TRIM5: variants seen among roughly 807,000 people sequenced by gnomAD.
TRIM5 encodes the protein tripartite motif containing 5, also known as tripartite motif-containing protein 5.
Under a neutral mutation model 35.6 loss-of-function variants are expected in TRIM5, and 31 were observed. The ratio of observed to expected loss-of-function variants is 0.87; its 90% confidence interval spans 0.65 to 1.18. The LOEUF is 1.18. Ranked by LOEUF, TRIM5 falls within the 50% of genes most tolerant of loss-of-function variation. The probability of loss-of-function intolerance (pLI) is 0.00; values close to 1 mark genes in which losing one functional copy is unlikely to be tolerated. For synonymous variants in TRIM5, 243 were observed against 215.6 expected, an observed-to-expected ratio of 1.13 and a Z score of -1.11; for missense variants, 609 against 591.6, an observed-to-expected ratio of 1.03 and a Z score of -0.31.
At chr11:5,665,811 T>C in intron 6 of TRIM5, 129 bp from the exon 7 acceptor site, 1 of 1,380,230 alleles carries the variant, frequency 7.2e-7, no homozygotes, top group Non-Finnish European at 9.7e-7. Flanking sequence ...AATGATGAGA[T>C]GAAACAGCCA....
At chr11:5,649,752 T>C in the TRIM5 span, among the ~76,000 whole-genome samples, 34 of 152,282 alleles carry the variant, frequency 2.2e-4, no homozygotes, top group Non-Finnish European at 2.9e-5. Context: ...CTAGGAATAG[T>C]AGTGAGTGGT....
chr11:5,610,152 T>C, the TRIM5 span: 5 of 1,613,670 alleles, frequency 3.1e-6, no homozygotes, highest in Non-Finnish European at 4.2e-6. Flanking sequence ...TAGGAGTGAG[T>C]TCTGGACCCT....
At chr11:5,602,981 C>T in the TRIM5 span, among the ~76,000 whole-genome samples, 1 of 152,102 alleles carries the variant, frequency 6.6e-6, no homozygotes, top group African/African-American at 2.4e-5. Context: ...AAAGATCACA[C>T]AGACAGTGAC....
chr11:5,608,368 C>T, the TRIM5 span: 1 of 1,613,256 alleles, frequency 6.2e-7, no homozygotes, highest in South Asian at 1.1e-5. Flanking sequence ...TTTTTCCTTC[C>T]TAGGATGTGA....
the TRIM5 span, among the ~76,000 whole-genome samples, chr11:5,657,977 T>C: frequency 6.6e-6 from 1 of 151,902 alleles, no homozygotes; most frequent in African/African-American, 2.4e-5. Flanking sequence ...CTGCTAATTA[T>C]ATGAGAGGGG....
chr11:5,610,037 C>A, the TRIM5 span: 1 of 1,159,008 alleles, frequency 8.6e-7, no homozygotes, highest in Non-Finnish European at 1.2e-6. Context: ...TAAGTGTATT[C>A]AGAAAGGAGG....
At chr11:5,613,461 G>T in the TRIM5 span, among the ~76,000 whole-genome samples, 1 of 152,126 alleles carries the variant, frequency 6.6e-6, no homozygotes, top group Non-Finnish European at 1.5e-5. Context: ...TATAATATTT[G>T]GGAGATCATA....
chr11:5,610,101 CCA>C, the TRIM5 span: 2 of 1,608,622 alleles, frequency 1.2e-6, no homozygotes, highest in Non-Finnish European at 8.5e-7. Context: ...GTGGAGGAAC[CCA>C]CAGTCAGCAG....
Position 5,663,891 on chromosome 11 carries a change from A to G in TRIM5, c.*918T>C, listed in dbSNP as rs982308177. The G allele has an allele frequency of 6.5e-6, 1 of 153,330 alleles. No homozygotes were observed. Among genetic ancestry groups the G allele is most frequent in the Non-Finnish European group, 1.4e-5 (1 of 69,020 alleles). 9.5% of individuals were successfully genotyped at this position (153,330 alleles called of 1,614,324 possible). ...ACTTATTTAATGTGAAGTTTTTAAT[A>G]CAAAAATTATTTTAAGAAAATAAGC... On this transcript the variant is annotated 3_prime_UTR_variant, in exon 8 of 8. Transcript: ENST00000380034.
At chr11:5,636,896 C>A in the TRIM5 span, among the ~76,000 whole-genome samples, 4 of 152,128 alleles carry the variant, frequency 2.6e-5, no homozygotes, top group Admixed American at 2.0e-4. Context: ...CCTGTAATCC[C>A]AGCACTTTGG....
At chr11:5,674,559 C>G (rs1385320431) in intron 4 of TRIM5, among the ~76,000 whole-genome samples, 2 of 152,226 alleles carry the variant, frequency 1.3e-5, no homozygotes, top group Non-Finnish European at 2.9e-5. Flanking sequence ...AAAACCCAGC[C>G]TGGCAGGTCT....
At chr11:5,604,484 T>A in the TRIM5 span, 1 of 1,578,238 alleles carries the variant, frequency 6.3e-7, no homozygotes, top group Non-Finnish European at 8.6e-7. Flanking sequence ...GTCTGGGTAC[T>A]GAGTCAACTG....
the TRIM5 span, among the ~76,000 whole-genome samples, chr11:5,607,511 T>C: frequency 1.3e-5 from 2 of 152,050 alleles, no homozygotes; most frequent in Admixed American, 1.3e-4. Context: ...TTCTTCGGGG[T>C]CATTGAGATG....
chr11:5,674,382 G>A (rs1851783394), intron 4 of TRIM5, among the ~76,000 whole-genome samples: 3 of 152,160 alleles, frequency 2.0e-5, no homozygotes, highest in Admixed American at 6.5e-5. Context: ...ACAGAAAGAA[G>A]AAAAAGACTC....
At chr11:5,638,111 ATTATT>A in the TRIM5 span, among the ~76,000 whole-genome samples, 1 of 152,042 alleles carries the variant, frequency 6.6e-6, no homozygotes, top group Non-Finnish European at 1.5e-5. Context: ...CCACACAGTG[ATTATT>A]TTAAGTTGGA....
At chr11:5,682,703 C>T (rs888013495) in intron 1 of TRIM5, among the ~76,000 whole-genome samples, 1 of 152,142 alleles carries the variant, frequency 6.6e-6, no homozygotes, top group African/African-American at 2.4e-5. Flanking sequence ...TGTTAAGTTA[C>T]CCCCTCCCCC....
intron 4 of TRIM5, among the ~76,000 whole-genome samples, chr11:5,674,582 C>G (rs577143199): frequency 6.6e-6 from 1 of 152,230 alleles, no homozygotes. Flanking sequence ...AGACACCAGA[C>G]TCCAGACTGG....
At chr11:5,610,323 C>T in the TRIM5 span, 111 of 1,599,908 alleles carry the variant, frequency 6.9e-5, no homozygotes, top group Non-Finnish European at 8.5e-5. Context: ...AGGCTATAGT[C>T]GGTATTTGAG....
chr11:5,614,240 G>GTAAC, the TRIM5 span, among the ~76,000 whole-genome samples: 3 of 152,212 alleles, frequency 2.0e-5, no homozygotes, highest in Non-Finnish European at 4.4e-5. Flanking sequence ...ATGAGTGTAT[G>GTAAC]TAACTGGTGG....
Sources: gnomAD v4.1 joint callset for allele counts (sites outside exome capture counted in the v4.1 genomes callset) on GRCh38, gnomAD v4.1.1 for gene constraint, MANE v1.5 for transcripts, NCBI Gene and HGNC (gene_info 2026-07-23, HGNC 2026-07-21) for gene names.